Variants in NBAS observed in about 807,000 individuals in gnomAD.
The protein encoded by NBAS is NAG/BC035112 fusion.
Under a neutral mutation model 302.5 loss-of-function variants are expected in NBAS, and 219 were observed. That is an observed-to-expected ratio of 0.72 (90% CI 0.65 to 0.81). The LOEUF is 0.81. Ranked by LOEUF, NBAS falls within the 30% of genes least tolerant of loss-of-function variation. The probability of loss-of-function intolerance (pLI) is 0.00; values close to 1 mark genes in which losing one functional copy is unlikely to be tolerated. For missense variants in NBAS, 2,932 were observed against 2,841.6 expected (o/e 1.03, Z -0.72); for synonymous variants, 1,118 against 1,021.6 (o/e 1.09, Z -1.80).
chr2:15,224,884 G>A (rs1267987952), intron 47 of NBAS, among the ~76,000 whole-genome samples: 1 of 152,156 alleles, frequency 6.6e-6, no homozygotes, highest in African/African-American at 2.4e-5. Flanking sequence ...GCAGCGGGTG[G>A]GGCAGACACT....
chr2:15,071,604 A>G, the NBAS span, among the ~76,000 whole-genome samples: 3 of 149,662 alleles, frequency 2.0e-5, no homozygotes, highest in Non-Finnish European at 4.4e-5. Flanking sequence ...AGCCTGGGTG[A>G]TAGAGCAAGA....
At chr2:15,445,686 A>G (rs772142686) in intron 21 of NBAS, among the ~76,000 whole-genome samples, 26 of 151,516 alleles carry the variant, frequency 1.7e-4, no homozygotes, top group Non-Finnish European at 2.9e-4. Context: ...TTTACTTTCA[A>G]CTAAAAAAAA....
chr2:15,001,940 C>T, the NBAS span, among the ~76,000 whole-genome samples: 3 of 152,180 alleles, frequency 2.0e-5, no homozygotes, highest in Non-Finnish European at 4.4e-5. Context: ...GGGGTTGCCA[C>T]TGCTGGCTCG....
At chr2:15,448,776 T>C (rs187710682) in intron 21 of NBAS, among the ~76,000 whole-genome samples, 106 of 152,328 alleles carry the variant, frequency 7.0e-4, no homozygotes, top group African/African-American at 2.4e-3. Flanking sequence ...ATAAATGCAA[T>C]GCTTAAACAG....
intron 21 of NBAS, among the ~76,000 whole-genome samples, chr2:15,445,673 A>T (rs185376653): frequency 0.013 from 1,916 of 151,906 alleles, 32 homozygotes; most frequent in African/African-American, 0.041. Context: ...AAAAATTTTT[A>T]AATTTACTTT....
At chr2:15,404,971 C>T (rs1676340042) in intron 25 of NBAS, among the ~76,000 whole-genome samples, 1 of 152,124 alleles carries the variant, frequency 6.6e-6, no homozygotes, top group South Asian at 2.1e-4. Flanking sequence ...CTCCCATGAA[C>T]CACTTACCCT....
At chr2:14,933,728 G>A in the NBAS span, among the ~76,000 whole-genome samples, 2 of 152,100 alleles carry the variant, frequency 1.3e-5, no homozygotes, top group Non-Finnish European at 1.5e-5. Context: ...GATGATACGT[G>A]AGCTGTTTTC....
At chr2:14,966,315 G>A in the NBAS span, among the ~76,000 whole-genome samples, 1 of 152,270 alleles carries the variant, frequency 6.6e-6, no homozygotes, top group African/African-American at 2.4e-5. Context: ...TGCAGGTCTA[G>A]GTTAACGTTT....
chr2:14,827,041 G>A, the NBAS span, among the ~76,000 whole-genome samples: 1 of 152,198 alleles, frequency 6.6e-6, no homozygotes, highest in Non-Finnish European at 1.5e-5. Flanking sequence ...ATTAAGAAAG[G>A]TTAATGAGAA....
the NBAS span, among the ~76,000 whole-genome samples, chr2:15,069,225 T>A: frequency 1.3e-5 from 2 of 152,216 alleles, no homozygotes; most frequent in African/African-American, 4.8e-5. Flanking sequence ...TGGAAAAGAA[T>A]GTGAGAACAC....
At chr2:15,392,818 G>T (rs1161154027) in intron 28 of NBAS, among the ~76,000 whole-genome samples, 1 of 151,524 alleles carries the variant, frequency 6.6e-6, no homozygotes, top group Admixed American at 6.6e-5. Context: ...AACAACTTTG[G>T]GGGAAAAAAA....
chr2:15,290,429 A>G (rs910590861), intron 41 of NBAS, among the ~76,000 whole-genome samples: 2 of 152,242 alleles, frequency 1.3e-5, no homozygotes, highest in Admixed American at 1.3e-4. Context: ...ACATACTTCA[A>G]ATAGCATATG....
At chr2:14,913,607 T>C in the NBAS span, among the ~76,000 whole-genome samples, 3 of 152,188 alleles carry the variant, frequency 2.0e-5, no homozygotes, top group African/African-American at 7.2e-5. Flanking sequence ...TAATGAACTT[T>C]AAGCAAAGGA....
intron 44 of NBAS, among the ~76,000 whole-genome samples, chr2:15,255,299 G>C (rs1572535979): frequency 1.3e-5 from 2 of 152,202 alleles, no homozygotes; most frequent in South Asian, 2.1e-4. Context: ...GTTTTGATTT[G>C]CATTTCCCTG....
At chr2:15,455,725 A>T (rs1448074793) in intron 21 of NBAS, among the ~76,000 whole-genome samples, 1 of 151,082 alleles carries the variant, frequency 6.6e-6, no homozygotes, top group African/African-American at 2.4e-5. Flanking sequence ...ACTGCAGTGC[A>T]GTTAAGAAAC....
At chr2:14,927,109 G>A in the NBAS span, among the ~76,000 whole-genome samples, 1 of 152,216 alleles carries the variant, frequency 6.6e-6, no homozygotes, top group African/African-American at 2.4e-5. Flanking sequence ...AGCTTCATCT[G>A]CAGCACTACC....
intron 37 of NBAS, 89 bp downstream of exon 37, chr2:15,328,110 G>A: frequency 1.5e-6 from 2 of 1,322,760 alleles, no homozygotes; most frequent in Non-Finnish European, 2.1e-6. Context: ...AGACAAATAA[G>A]TATATTTTCA....
the NBAS span, among the ~76,000 whole-genome samples, chr2:14,920,392 C>A: frequency 1.3e-5 from 2 of 152,146 alleles, no homozygotes; most frequent in African/African-American, 2.4e-5. Flanking sequence ...TTCTTAAGGG[C>A]TTTAGGATTT....
intron 21 of NBAS, among the ~76,000 whole-genome samples, chr2:15,450,211 T>C (rs916724381): frequency 2.0e-5 from 3 of 152,238 alleles, no homozygotes; most frequent in African/African-American, 7.2e-5. Flanking sequence ...CATCTTTGTT[T>C]ACTGGAAATA....
Sources: allele counts gnomAD v4.1 joint callset (sites outside exome capture counted in the v4.1 genomes callset), GRCh38; gene constraint gnomAD v4.1.1; transcripts MANE v1.5; gene names NCBI Gene and HGNC (gene_info 2026-07-23, HGNC 2026-07-21).